The following RLF variants were observed in gnomAD, a reference collection of about 807,000 sequenced individuals.
The protein encoded by RLF is zinc finger protein Rlf.
In RLF, 7 loss-of-function variants were observed where a neutral mutation model predicts 162.9. The observed-to-expected ratio is 0.04, with a 90% CI of 0.02 to 0.08. The LOEUF is 0.08. Among genes scored for constraint, RLF ranks in the 10% least tolerant of loss-of-function variants. RLF has a pLI of 1.00. For missense variants in RLF, 1,664 were observed against 2,244.7 expected (o/e 0.74, Z 5.23); for synonymous variants, 782 against 791.5 (o/e 0.99, Z 0.20).
chr1:40,222,304 T>C (rs1431170750), intron 5 of RLF, among the ~76,000 whole-genome samples: 1 of 152,228 alleles, frequency 6.6e-6, no homozygotes. Flanking sequence ...ATATATAATT[T>C]GACTCATCTA....
rs1250821910 is a variant in RLF at position 40,201,533 on chromosome 1, G to A, written c.608-879G>A. On this transcript the variant is annotated intron_variant, in intron 4 of 7. Transcript: ENST00000372771. ...CCCAGCTACTCGGGAGGCTGAGGCA[G>A]GAGAATGGCGTGAACCCGGGAGGCG... Among the ~76,000 whole-genome samples, 4 of 150,682 alleles carry A rather than the reference G, an allele frequency of 2.7e-5. No homozygotes were observed. In the Admixed American group the frequency reaches 2.7e-4, roughly 10 times the overall value.
At chr1:40,180,415 C>T (rs1390336684) in intron 1 of RLF, among the ~76,000 whole-genome samples, 1 of 152,052 alleles carries the variant, frequency 6.6e-6, no homozygotes, top group Non-Finnish European at 1.5e-5. Context: ...CCCGCCACCA[C>T]GCCTAGCTAA....
chr1:40,169,635 A>T (rs1359104400), intron 1 of RLF, among the ~76,000 whole-genome samples: 1 of 151,388 alleles, frequency 6.6e-6, no homozygotes, highest in Admixed American at 6.6e-5. Flanking sequence ...AAAAAAAAAA[A>T]AAAAAAAAAA....
chr1:40,233,461 A>AAATTTT (rs1643177715), intron 7 of RLF, among the ~76,000 whole-genome samples: 1 of 152,180 alleles, frequency 6.6e-6, no homozygotes, highest in African/African-American at 2.4e-5. Flanking sequence ...AAACTGAATT[A>AAATTTT]TTTTAAAATT....
intron 1 of RLF, among the ~76,000 whole-genome samples, chr1:40,172,974 C>T (rs1217441698): frequency 1.3e-5 from 2 of 152,008 alleles, no homozygotes; most frequent in African/African-American, 2.4e-5. Flanking sequence ...TTACTAAATC[C>T]TTGCCAATGC....
chr1:40,224,563 T>G (rs1643038775), intron 6 of RLF, among the ~76,000 whole-genome samples: 1 of 125,656 alleles, frequency 8.0e-6, no homozygotes, highest in East Asian at 2.7e-4. Flanking sequence ...CGTGAGCCAC[T>G]GCGCCTGGCC....
intron 5 of RLF, among the ~76,000 whole-genome samples, chr1:40,222,208 T>C (rs1643009704): frequency 6.6e-6 from 1 of 152,000 alleles, no homozygotes; most frequent in African/African-American, 2.4e-5. Flanking sequence ...GTGACCCAGC[T>C]GTGGTCATAG....
chr1:40,225,578 C>CAA (rs537934926), intron 6 of RLF, among the ~76,000 whole-genome samples: 7 of 83,054 alleles, frequency 8.4e-5, no homozygotes, highest in South Asian at 4.0e-4. Context: ...GACTCTGTCT[C>CAA]AAAAAAAAAA....
At chr1:40,188,203 C>A (rs1642507989) in intron 1 of RLF, among the ~76,000 whole-genome samples, 1 of 152,018 alleles carries the variant, frequency 6.6e-6, no homozygotes, top group Non-Finnish European at 1.5e-5. Context: ...AAGGAGAGTC[C>A]CCAAACATGA....
intron 1 of RLF, among the ~76,000 whole-genome samples, chr1:40,185,656 C>CAAAAAA: frequency 2.6e-5 from 1 of 38,752 alleles, no homozygotes. Context: ...ACTAAAAATA[C>CAAAAAA]AAAAAAAAAA....
At chr1:40,213,311 T>TG (rs112470408) in intron 5 of RLF, among the ~76,000 whole-genome samples, 7 of 152,334 alleles carry the variant, frequency 4.6e-5, no homozygotes, top group African/African-American at 1.7e-4. Flanking sequence ...ATGATTGCAC[T>TG]GGAGGGGGTC....
At chr1:40,190,734 T>C in intron 2 of RLF, 38 bp from the exon 3 acceptor site, 1 of 1,302,560 alleles carries the variant, frequency 7.7e-7, no homozygotes, top group East Asian at 2.3e-5. Flanking sequence ...TAATTATTAC[T>C]ATAACCACCT....
rs771782580 is a variant in RLF, at chr1:40,220,660, C to T, written c.811-1914C>T. Among the ~76,000 whole-genome samples, 42 of 152,148 alleles carry T rather than the reference C, an allele frequency of 2.8e-4. No homozygotes were observed. In the South Asian group the frequency reaches 2.9e-3, roughly 11 times the overall value. On this transcript the variant is annotated intron_variant, in intron 5 of 7. Transcript: ENST00000372771. Reference sequence around the variant, plus strand: ...TGGCTTGCATCTCCAGTACTTAGCACGGTGCAGGTATTTAGCAAATGGCAC... The same window carrying T: ...TGGCTTGCATCTCCAGTACTTAGCATGGTGCAGGTATTTAGCAAATGGCAC...
chr1:40,232,714 G>A (rs1050765763), intron 7 of RLF, among the ~76,000 whole-genome samples: 3 of 152,114 alleles, frequency 2.0e-5, no homozygotes, highest in African/African-American at 7.2e-5. Context: ...TTAGTTTTCA[G>A]TTTTTGGTTG....
At chr1:40,218,345 T>C (rs749045115) in intron 5 of RLF, among the ~76,000 whole-genome samples, 1 of 152,206 alleles carries the variant, frequency 6.6e-6, no homozygotes, top group Non-Finnish European at 1.5e-5. Context: ...CAGCCCCCAC[T>C]AACTCCCTTG....
At chr1:40,213,905 G>C (rs561497774) in intron 5 of RLF, among the ~76,000 whole-genome samples, 1 of 152,300 alleles carries the variant, frequency 6.6e-6, no homozygotes, top group Non-Finnish European at 1.5e-5. Flanking sequence ...ACTTAGGAAC[G>C]TAAGTATGCT....
intron 7 of RLF, 45 bp from the exon 8 acceptor site, chr1:40,235,747 T>C: frequency 1.4e-6 from 2 of 1,385,004 alleles, no homozygotes; most frequent in East Asian, 4.9e-5. Context: ...TATATAATCT[T>C]TCTGTATGCA....
At chr1:40,216,269 G>A (rs1288599138) in intron 5 of RLF, among the ~76,000 whole-genome samples, 1 of 152,154 alleles carries the variant, frequency 6.6e-6, no homozygotes, top group East Asian at 1.9e-4. Context: ...GATCACATGA[G>A]GCCAGAAGTT....
intron 5 of RLF, among the ~76,000 whole-genome samples, chr1:40,221,728 G>A (rs746663509): frequency 2.6e-5 from 4 of 151,532 alleles, no homozygotes; most frequent in Admixed American, 6.6e-5. Context: ...GTGAAACCCC[G>A]TCTCTACTAA....
Sources: allele counts gnomAD v4.1 joint callset (sites outside exome capture counted in the v4.1 genomes callset), GRCh38; gene constraint gnomAD v4.1.1; transcripts MANE v1.5; gene names NCBI Gene and HGNC (gene_info 2026-07-23, HGNC 2026-07-21).